CRACD: variants seen among roughly 807,000 people sequenced by gnomAD.
The protein encoded by CRACD is capping protein-inhibiting regulator of actin dynamics.
CRACD carries 56 observed loss-of-function variants against 106.8 expected under a neutral mutation model. That is an observed-to-expected ratio of 0.52 (90% CI 0.42 to 0.66). CRACD has a LOEUF of 0.66. Among genes scored for constraint, CRACD ranks in the 30% least tolerant of loss-of-function variants. CRACD has a pLI of 0.00. For missense variants in CRACD, 1,730 were observed against 1,623.2 expected, an observed-to-expected ratio of 1.07 and a Z score of -1.13; for synonymous variants, 754 against 670.8, an observed-to-expected ratio of 1.12 and a Z score of -1.92.
chr4:56,057,136 C>A (rs1732102051), intron 1 of CRACD, among the ~76,000 whole-genome samples: 1 of 152,130 alleles, frequency 6.6e-6, no homozygotes, highest in African/African-American at 2.4e-5. Context: ...ACATTTGTGG[C>A]TTGCATTATG....
Position 56,316,471 on chromosome 4 carries a change from C to T in CRACD, c.2969C>T (p.Ser990Phe). ...AGGCCCTACTTGGTAGAGCTGCTGT[C>T]TCGCCGAGCGGGGAGGCCGGACCCA... ...LSRPYLVELL[S>F]RRAGRPDPEP... The change falls in exon 8 of 11, where the codon TCT becomes TTT. Residue 990 changes from serine (S) to phenylalanine (F), a missense_variant. This residue lies in a region of CRACD where 1,620 missense variants were observed against 1,481.6 expected (regional missense o/e 1.09). Coordinates refer to ENST00000682029, the MANE Select transcript of CRACD (RefSeq NM_001393381.1). The T allele has an allele frequency of 6.2e-7, 1 of 1,613,984 alleles. No individual in the cohort carries two copies. Among genetic ancestry groups the T allele is most frequent in the South Asian group, 1.1e-5 (1 of 91,080 alleles).
chr4:56,267,577 C>T (rs1369969414), intron 2 of CRACD, among the ~76,000 whole-genome samples: 3 of 152,126 alleles, frequency 2.0e-5, no homozygotes, highest in Non-Finnish European at 4.4e-5. Context: ...TCTGAGTCCT[C>T]CTTTGAAGGG....
At chr4:56,257,232 C>G (rs1741415366) in intron 2 of CRACD, among the ~76,000 whole-genome samples, 1 of 151,994 alleles carries the variant, frequency 6.6e-6, no homozygotes. Flanking sequence ...CAGGTGCCCA[C>G]CACCATGCCT....
intron 1 of CRACD, among the ~76,000 whole-genome samples, chr4:56,145,378 CTT>C (rs1228971816): frequency 1.9e-4 from 29 of 152,026 alleles, no homozygotes; most frequent in Middle Eastern, 3.2e-3. Context: ...TCTTTTAGGA[CTT>C]TTTAGAGTCT....
Position 56,158,249 on chromosome 4 carries a change from T to C in CRACD, c.-335-21035T>C, listed in dbSNP as rs185067117. Reference sequence around the variant, plus strand: ...TGTGCCTGTGGTTCTGATGTATATATGTTCTTTACAATGTTCAGATCATGC... The same window carrying C: ...TGTGCCTGTGGTTCTGATGTATATACGTTCTTTACAATGTTCAGATCATGC... On this transcript the variant is annotated intron_variant, in intron 1 of 10. Transcript: ENST00000682029. 7.2e-5 allele frequency among the ~76,000 whole-genome samples: 11 copies of C among 152,344 alleles called. No homozygotes were observed. In the East Asian group the frequency reaches 2.1e-3, roughly 29 times the overall value.
intron 2 of CRACD, among the ~76,000 whole-genome samples, chr4:56,181,035 C>G (rs1195798405): frequency 6.6e-6 from 1 of 152,084 alleles, no homozygotes; most frequent in Non-Finnish European, 1.5e-5. Flanking sequence ...CTACAGTGAA[C>G]TAGGTACTAT....
chr4:56,153,928 C>T (rs971010251), intron 1 of CRACD, among the ~76,000 whole-genome samples: 3 of 152,212 alleles, frequency 2.0e-5, no homozygotes, highest in Non-Finnish European at 4.4e-5. Context: ...TCAGCCCATA[C>T]CTCGTTATTC....
intron 1 of CRACD, among the ~76,000 whole-genome samples, chr4:56,127,857 C>T (rs1235471608): frequency 3.3e-5 from 5 of 152,180 alleles, no homozygotes; most frequent in African/African-American, 9.7e-5. Context: ...CTCATTAAAT[C>T]TCGGCCTTGC....
chr4:56,152,762 C>G (rs1735627654), intron 1 of CRACD, among the ~76,000 whole-genome samples: 1 of 152,052 alleles, frequency 6.6e-6, no homozygotes. Context: ...CTGGCTCTGT[C>G]TTTTTGATAT....
In CRACD at chr4:56,327,665, C is replaced by T. The variant is rs1222714946; in HGVS notation, c.3563C>T (p.Pro1188Leu). The change falls in exon 11 of 11, where the codon CCC (proline) becomes CTC (leucine). Residue 1188 changes from proline (P) to leucine (L), a missense_variant. Pro to Leu is a moderately conservative substitution (Grantham distance 98, BLOSUM62 -3). Around this residue, in one of 5 missense-constraint regions of CRACD, gnomAD observed 89 missense variants for 89.6 expected, o/e 0.99. Coordinates refer to ENST00000682029, the MANE Select transcript of CRACD (RefSeq NM_001393381.1). ...CCAGTGGAGATCTCCGACTCGGCTC[C>T]CCCAGCGCCGCTGGTAAAAGAAGTC... ...SVTVEISDSA[P>L]PAPLVKEVTK... 2 of 1,607,706 alleles carry T rather than the reference C, an allele frequency of 1.2e-6. No homozygotes were observed. Among genetic ancestry groups the T allele is most frequent in the Admixed American group, 1.7e-5 (1 of 59,562 alleles).
chr4:56,319,832 A>G (rs2109789078), intron 8 of CRACD, among the ~76,000 whole-genome samples: 1 of 152,208 alleles, frequency 6.6e-6, no homozygotes, highest in East Asian at 1.9e-4. Flanking sequence ...CTCTGAATCT[A>G]CCTGGTGAGA....
At chr4:56,310,600 T>C in intron 5 of CRACD, 66 bp from the exon 6 acceptor site, 1 of 1,148,106 alleles carries the variant, frequency 8.7e-7, no homozygotes, top group Non-Finnish European at 1.3e-6. Context: ...GCACAGACAG[T>C]GTCTGGTTAT....
chr4:56,316,087 A>G lies in CRACD; in HGVS notation c.2585A>G (p.Gln862Arg), dbSNP rs1383478338. 2.5e-6 allele frequency: 4 copies of G among 1,614,206 alleles called. No homozygotes were observed. Among genetic ancestry groups the G allele is most frequent in the Non-Finnish European group, 3.4e-6 (4 of 1,180,040 alleles). ...TNYSLRFNCD[Q>R]QAEQKKKKRH... ...TATTCCTTGCGCTTCAACTGCGACC[A>G]ACAGGCAGAACAGAAGAAGAAGAAG... The change falls in exon 8 of 11, where the codon CAA (glutamine) becomes CGA (arginine). Residue 862 changes from glutamine (Q) to arginine (R), a missense_variant. Gln to Arg is a conservative substitution (Grantham distance 43). This residue lies in a region of CRACD where 1,620 missense variants were observed against 1,481.6 expected (regional missense o/e 1.09). Transcript: ENST00000682029.
intron 1 of CRACD, among the ~76,000 whole-genome samples, chr4:56,092,481 A>C (rs1320022702): frequency 6.6e-6 from 1 of 152,216 alleles, no homozygotes; most frequent in African/African-American, 2.4e-5. Context: ...TAGTATGAGA[A>C]AAAGAATGGA....
chr4:56,141,498 G>C (rs1261004336), intron 1 of CRACD, among the ~76,000 whole-genome samples: 2 of 151,854 alleles, frequency 1.3e-5, no homozygotes, highest in African/African-American at 2.4e-5. Flanking sequence ...TTGGGAAGCT[G>C]AAGTAGGAGA....
intron 3 of CRACD, among the ~76,000 whole-genome samples, chr4:56,281,675 G>A (rs1560516138): frequency 1.3e-5 from 2 of 152,198 alleles, no homozygotes; most frequent in African/African-American, 4.8e-5. Context: ...GCATGAACCA[G>A]AGGAAAATTG....
At chr4:56,092,541 G>A (rs995504016) in intron 1 of CRACD, among the ~76,000 whole-genome samples, 18 of 152,064 alleles carry the variant, frequency 1.2e-4, no homozygotes, top group Admixed American at 1.0e-3. Flanking sequence ...TGGGTACATT[G>A]GTTATATAAA....
At chr4:56,109,298 G>T (rs1418210495) in intron 1 of CRACD, among the ~76,000 whole-genome samples, 1 of 152,174 alleles carries the variant, frequency 6.6e-6, no homozygotes. Flanking sequence ...GTTGATAATT[G>T]TCCATGATCA....
In CRACD at chr4:56,206,813, A is replaced by G. The variant is rs140369405; in HGVS notation, c.-189+27383A>G. 3.3e-5 allele frequency among the ~76,000 whole-genome samples: 5 copies of G among 152,306 alleles called. No individual in the cohort carries two copies. In the East Asian group the frequency reaches 9.7e-4, roughly 29 times the overall value. ...GAAGGCTTTACTGCCACTCTCATGT[A>G]TCATCATTTTGGGTTTACGGTCTCA... On this transcript the variant is annotated intron_variant, in intron 2 of 10. Transcript: ENST00000682029.
Sources: allele counts gnomAD v4.1 joint callset (sites outside exome capture counted in the v4.1 genomes callset), GRCh38; gene constraint gnomAD v4.1.1; regional missense constraint gnomAD v4.1.1; transcripts MANE v1.5; gene names NCBI Gene and HGNC (gene_info 2026-07-23, HGNC 2026-07-21).